TBX15: variants seen among roughly 807,000 people sequenced by gnomAD.
TBX15 encodes the protein T-box transcription factor 15.
A neutral mutation model predicts 53.9 loss-of-function variants in TBX15; 18 were observed. The observed-to-expected ratio is 0.33, with a 90% confidence interval of 0.23 to 0.49. TBX15 has a LOEUF of 0.49. Ranked by LOEUF, TBX15 falls within the 20% of genes least tolerant of loss-of-function variation. TBX15 has a pLI of 0.98. For missense variants in TBX15, 692 were observed against 749.5 expected (o/e 0.92, Z 0.90); for synonymous variants, 295 against 278.0 (o/e 1.06, Z -0.61).
chr1:118,933,321 A>AC, intron 1 of TBX15, among the ~76,000 whole-genome samples: 1 of 152,264 alleles, frequency 6.6e-6, no homozygotes, highest in South Asian at 2.1e-4. Context: ...GTCACTTGTG[A>AC]AGATATTCAG....
At position 118,883,680 on chromosome 1, in the gene TBX15, C is replaced by A. The variant is rs1304891428; in HGVS notation, c.*1052G>T. 1 of 152,236 alleles carries A rather than the reference C, an allele frequency of 6.6e-6. No individual in the cohort carries two copies. The highest frequency in any genetic ancestry group is 1.5e-5 in the Non-Finnish European group (1 of 68,092). The allele number at this position is 152,236 out of a possible 1,614,324, so 9.4% of individuals were successfully genotyped here. ...CATGCTGTGGAATCAGCACTTCCCA[C>A]GTAGTGCACCTCTCTTCTGGATCAC... On this transcript the variant is annotated 3_prime_UTR_variant, in exon 8 of 8. Coordinates refer to ENST00000369429, the MANE Select transcript of TBX15 (RefSeq NM_001330677.2).
rs148331409 is a variant in TBX15 at position 118,903,500 on chromosome 1, G to A, written c.927-4375C>T. Among the ~76,000 whole-genome samples the A allele has an allele frequency of 4.6e-3, 694 of 152,194 alleles. 1 individual carries two copies. Among genetic ancestry groups the A allele is most frequent in the Non-Finnish European group, 6.1e-3 (417 of 68,016 alleles). On this transcript the variant is annotated intron_variant, in intron 6 of 7. Coordinates refer to ENST00000369429, the MANE Select transcript of TBX15 (RefSeq NM_001330677.2). ...TGCTTTTCTTTTGTCTTGAGATAGG[G>A]AGTTGCTTTTTAATGTTTCCTTTGT...
intron 1 of TBX15, among the ~76,000 whole-genome samples, chr1:118,942,311 A>T (rs1656209155): frequency 6.6e-6 from 1 of 152,212 alleles, no homozygotes; most frequent in African/African-American, 2.4e-5. Flanking sequence ...TTGTATCCTC[A>T]GCACCTGGAA....
In TBX15 at chr1:118,988,069, T is replaced by C; in HGVS notation, c.-274A>G. ...GCTGCATGAGCGCCCGAGTCCTGCT[T>C]CCCACCCACCGGGGCAGGCGCTCAC... On this transcript the variant is annotated 5_prime_UTR_variant, in exon 1 of 8. Transcript: ENST00000369429. 1 of 534,650 alleles carries C rather than the reference T, an allele frequency of 1.9e-6. No individual in the cohort carries two copies. The highest frequency in any genetic ancestry group is 3.3e-6 in the Non-Finnish European group (1 of 302,202). The allele number at this position is 534,650 out of a possible 1,614,324, so 33.1% of individuals were successfully genotyped here.
intron 1 of TBX15, among the ~76,000 whole-genome samples, chr1:118,935,773 C>T (rs1045990511): frequency 3.9e-5 from 6 of 152,130 alleles, no homozygotes; most frequent in Non-Finnish European, 7.4e-5. Context: ...GCTTAAAGTA[C>T]GTTCACTTCT....
intron 5 of TBX15, among the ~76,000 whole-genome samples, chr1:118,918,865 G>A (rs886936762): frequency 5.3e-5 from 8 of 152,246 alleles, no homozygotes; most frequent in Admixed American, 2.6e-4. Context: ...TTTACAGCAC[G>A]AAGGCTGAAG....
At chr1:118,919,414 A>G (rs1336539014) in intron 5 of TBX15, among the ~76,000 whole-genome samples, 4 of 152,210 alleles carry the variant, frequency 2.6e-5, no homozygotes, top group Non-Finnish European at 5.9e-5. Context: ...AGGCCTGCCA[A>G]GTTGGCACAT....
intron 1 of TBX15, among the ~76,000 whole-genome samples, chr1:118,938,380 A>T (rs922675378): frequency 2.6e-5 from 4 of 152,258 alleles, no homozygotes; most frequent in Non-Finnish European, 4.4e-5. Context: ...CTCTCCACTT[A>T]ACAAGCAGCA....
At chr1:118,955,405 A>G (rs1460277953) in intron 1 of TBX15, among the ~76,000 whole-genome samples, 1 of 152,242 alleles carries the variant, frequency 6.6e-6, no homozygotes, top group Non-Finnish European at 1.5e-5. Flanking sequence ...TATATCTCCC[A>G]TCTCACATAT....
At chr1:118,952,655 A>G (rs935939571) in intron 1 of TBX15, among the ~76,000 whole-genome samples, 3 of 152,128 alleles carry the variant, frequency 2.0e-5, no homozygotes, top group Non-Finnish European at 2.9e-5. Context: ...CTAAATACCT[A>G]CAGAGGCCCA....
intron 4 of TBX15, among the ~76,000 whole-genome samples, chr1:118,924,240 T>C (rs1198978834): frequency 6.6e-6 from 1 of 152,210 alleles, no homozygotes; most frequent in Admixed American, 6.5e-5. Flanking sequence ...AGATTTAGTC[T>C]TCCCTATAAA....
intron 7 of TBX15, among the ~76,000 whole-genome samples, chr1:118,894,083 A>C (rs1220006691): frequency 1.3e-5 from 2 of 152,212 alleles, no homozygotes; most frequent in Non-Finnish European, 2.9e-5. Context: ...ACTAAGCACT[A>C]AGAAGGCAAG....
At chr1:118,897,162 C>T (rs1654458361) in intron 7 of TBX15, among the ~76,000 whole-genome samples, 1 of 152,158 alleles carries the variant, frequency 6.6e-6, no homozygotes, top group Non-Finnish European at 1.5e-5. Flanking sequence ...GTAACCCATG[C>T]AAGCTTCCTG....
At chr1:118,977,244 AG>A (rs1449520816) in intron 1 of TBX15, among the ~76,000 whole-genome samples, 1 of 152,192 alleles carries the variant, frequency 6.6e-6, no homozygotes, top group Non-Finnish European at 1.5e-5. Context: ...AATAAGATAG[AG>A]TATTTTGTGA....
At chr1:118,962,116 T>C (rs1469657014) in intron 1 of TBX15, among the ~76,000 whole-genome samples, 1 of 152,224 alleles carries the variant, frequency 6.6e-6, no homozygotes, top group Non-Finnish European at 1.5e-5. Context: ...ACAAAATTTC[T>C]TTTTTCTATG....
intron 1 of TBX15, among the ~76,000 whole-genome samples, chr1:118,980,073 G>A (rs1384902010): frequency 2.0e-5 from 3 of 152,358 alleles, no homozygotes; most frequent in African/African-American, 7.2e-5. Flanking sequence ...GAGATGGGTT[G>A]AAGAGAAGAG....
intron 5 of TBX15, among the ~76,000 whole-genome samples, chr1:118,916,970 G>A (rs915625868): frequency 3.3e-5 from 5 of 152,196 alleles, no homozygotes; most frequent in Non-Finnish European, 5.9e-5. Context: ...CACTGTCAGT[G>A]GGAATGCAAA....
chr1:118,977,365 C>T (rs1009036865), intron 1 of TBX15, among the ~76,000 whole-genome samples: 8 of 152,112 alleles, frequency 5.3e-5, no homozygotes, highest in Non-Finnish European at 1.0e-4. Flanking sequence ...TGTTTCTTAT[C>T]GTTGTTCTTA....
intron 2 of TBX15, among the ~76,000 whole-genome samples, chr1:118,929,833 AG>A (rs1655721752): frequency 2.1e-5 from 3 of 142,288 alleles, no homozygotes; most frequent in African/African-American, 7.7e-5. Flanking sequence ...AAACCCAAAA[AG>A]AATACCGGAA....
Sources: gnomAD v4.1 joint callset for allele counts (sites outside exome capture counted in the v4.1 genomes callset) on GRCh38, gnomAD v4.1.1 for gene constraint, MANE v1.5 for transcripts, NCBI Gene and HGNC (gene_info 2026-07-23, HGNC 2026-07-21) for gene names.